The following LRRK1 variants were observed in gnomAD, a reference collection of about 807,000 sequenced individuals.
LRRK1 encodes leucine rich repeat kinase 1, also known as leucine-rich repeat serine/threonine-protein kinase 1.
In LRRK1, 113 loss-of-function variants were observed where a neutral mutation model predicts 209.1. The ratio of observed to expected loss-of-function variants is 0.54; its 90% CI spans 0.46 to 0.63. LRRK1 has a LOEUF of 0.63. Among genes scored for constraint, LRRK1 ranks in the 30% least tolerant of loss-of-function variants. The pLI is 0.00. For missense variants in LRRK1, 2,284 were observed against 2,632.2 expected, an observed-to-expected ratio of 0.87 and a Z score of 2.89; for synonymous variants, 1,144 against 1,099.7, an observed-to-expected ratio of 1.04 and a Z score of -0.80.
Position 101,012,221 on chromosome 15 carries a change from T to C in LRRK1, c.1419+76T>C, listed in dbSNP as rs1034499093. The stretch of plus-strand genomic sequence containing the variant: ...GCTCCGTGTTGCAGTGAAATGTATG[T>C]GCTTTTCCTGAGCTTCTGAGATAAA... On this transcript the variant is annotated intron_variant, in intron 10 of 33. Transcript: ENST00000388948. 45 of 1,257,404 alleles carry C rather than the reference T, an allele frequency of 3.6e-5. No individual in the cohort carries two copies. The Admixed American group carries it at 1.0e-3, about 28-fold the overall frequency. 77.9% of individuals were successfully genotyped at this position (1,257,404 alleles called of 1,614,324 possible). A position where few individuals can be genotyped will look rare whatever the true frequency, so the allele number is the denominator to read the frequency against.
intron 2 of LRRK1, among the ~76,000 whole-genome samples, chr15:100,929,909 C>T (rs1011758844): frequency 4.6e-5 from 7 of 152,342 alleles, no homozygotes; most frequent in African/African-American, 7.2e-5. Context: ...TGGCTGTGTG[C>T]GTCCATCCAT....
chr15:100,981,206 C>T (rs1366272893), intron 3 of LRRK1, among the ~76,000 whole-genome samples: 1 of 152,192 alleles, frequency 6.6e-6, no homozygotes, highest in Non-Finnish European at 1.5e-5. Flanking sequence ...TGTCTGGGTC[C>T]CTCTTGGCCT....
Position 101,069,069 on chromosome 15 carries a change from C to T in LRRK1, c.*221C>T. 6.8e-6 allele frequency: 3 copies of T among 440,354 alleles called. No homozygotes were observed. The highest frequency in any genetic ancestry group is 1.2e-5 in the Non-Finnish European group (3 of 250,330). The allele number at this position is 440,354 out of a possible 1,614,324, so 27.3% of individuals were successfully genotyped here. On this transcript the variant is annotated 3_prime_UTR_variant, in exon 34 of 34. Coordinates refer to ENST00000388948, the MANE Select transcript of LRRK1 (RefSeq NM_024652.6). ...GTTCTCTGAATACCCCATCCCCCAA[C>T]TGCTGATTTTACAGCCCCAGGGAAG...
At chr15:101,014,275 G>T (rs1178459799) in intron 10 of LRRK1, 41 bp from the exon 11 acceptor site, 1 of 1,402,122 alleles carries the variant, frequency 7.1e-7, no homozygotes, top group Non-Finnish European at 1.0e-6. Flanking sequence ...TCTTGTATCT[G>T]ATGCTATCTT....
chr15:100,940,456 C>T (rs2042379799), intron 2 of LRRK1, among the ~76,000 whole-genome samples: 1 of 152,156 alleles, frequency 6.6e-6, no homozygotes, highest in East Asian at 1.9e-4. Flanking sequence ...TATCTCTGCT[C>T]CCGGCCTCCT....
intron 1 of LRRK1, chr15:100,920,319 T>G (rs895311969): frequency 6.6e-6 from 1 of 152,240 alleles, no homozygotes; most frequent in Non-Finnish European, 1.5e-5. Context: ...TGATAGAGTT[T>G]GCCAGCCACT....
intron 2 of LRRK1, among the ~76,000 whole-genome samples, chr15:100,941,321 T>TGTGTGTCTGTGTGC (rs2042407924): frequency 6.6e-6 from 1 of 151,846 alleles, no homozygotes; most frequent in Admixed American, 6.6e-5. Context: ...TGTCTGTGTG[T>TGTGTGTCTGTGTGC]GTGTGTCTGT....
rs551539923 is a variant in LRRK1 at position 100,985,119 on chromosome 15, T to A, written c.433+1420T>A. On this transcript the variant is annotated intron_variant, in intron 4 of 33. Transcript: ENST00000388948. Reference sequence around the variant, plus strand: ...TTGATAGATCTGTGCTCAGCGTTGGTTCCAAGCTAGTGTTCCCCTCATGTG... The same window carrying A: ...TTGATAGATCTGTGCTCAGCGTTGGATCCAAGCTAGTGTTCCCCTCATGTG... Among the ~76,000 whole-genome samples, 7 of 146,334 alleles carry A rather than the reference T, an allele frequency of 4.8e-5. No individual in the cohort carries two copies. The East Asian group carries it at 1.5e-3, about 30-fold the overall frequency.
At chr15:101,012,296 G>A (rs576416535) in intron 10 of LRRK1, 151 bp downstream of exon 10, 2 of 747,616 alleles carry the variant, frequency 2.7e-6, no homozygotes, top group African/African-American at 3.5e-5. Context: ...AATATGCATG[G>A]CCACGAACAG....
chr15:100,990,865 C>T (rs1159076424), intron 6 of LRRK1, among the ~76,000 whole-genome samples: 1 of 151,966 alleles, frequency 6.6e-6, no homozygotes, highest in African/African-American at 2.4e-5. Context: ...TTCATCTTCT[C>T]CTTTCTGGTA....
In LRRK1 at chr15:100,924,710, T is replaced by C. The variant is rs11630691; in HGVS notation, c.78T>C (p.Arg26=). 437,007 of 1,612,990 alleles carry C rather than the reference T, an allele frequency of 0.27. 65,240 individuals are homozygous for C. Among genetic ancestry groups the C allele is most frequent in the African/African-American group, 0.61 (45,637 of 74,860 alleles). Residue 26 remains arginine, a synonymous_variant, in exon 2 of 34, where the codon CGT becomes CGC. Transcript: ENST00000388948. Reference sequence around the variant, plus strand: ...AGGAGTCAGCTGTGTGTCCAGAACGTGCCATGGAGACGCTTAACGGTAAGG... The same window carrying C: ...AGGAGTCAGCTGTGTGTCCAGAACGCGCCATGGAGACGCTTAACGGTAAGG... ...GPEESAVCPE[R]AMETLNGAGD...
intron 29 of LRRK1, among the ~76,000 whole-genome samples, chr15:101,060,200 G>A (rs2036077983): frequency 6.6e-6 from 1 of 152,180 alleles, no homozygotes; most frequent in Non-Finnish European, 1.5e-5. Context: ...CTTGAGATCT[G>A]TCTGAGAATT....
chr15:101,048,007 T>C (rs2035182837), intron 21 of LRRK1, among the ~76,000 whole-genome samples: 1 of 152,168 alleles, frequency 6.6e-6, no homozygotes. Context: ...TATGTGTGTT[T>C]TTAATGGCAT....
intron 2 of LRRK1, among the ~76,000 whole-genome samples, chr15:100,969,437 A>C (rs1443627846): frequency 6.6e-6 from 1 of 152,130 alleles, no homozygotes; most frequent in Non-Finnish European, 1.5e-5. Flanking sequence ...GAAGCTTCAT[A>C]GTTTTAGCCT....
At chr15:100,984,899 C>A (rs1011096129) in intron 4 of LRRK1, among the ~76,000 whole-genome samples, 1 of 152,118 alleles carries the variant, frequency 6.6e-6, no homozygotes, top group African/African-American at 2.4e-5. Context: ...GGAGCCAGGG[C>A]CCACCTCTTG....
At chr15:100,983,368 C>T (rs559692348) in intron 3 of LRRK1, among the ~76,000 whole-genome samples, 160 bp from the exon 4 acceptor site, 9 of 152,178 alleles carry the variant, frequency 5.9e-5, no homozygotes, top group African/African-American at 2.2e-4. Context: ...TTCTGAGGAG[C>T]CACATTTCAA....
At position 101,045,961 on chromosome 15, in the gene LRRK1, T is replaced by A; in HGVS notation, c.2964-20T>A. The A allele has an allele frequency of 6.2e-7, 1 of 1,611,374 alleles. No individual in the cohort carries two copies. Among genetic ancestry groups the A allele is most frequent in the Non-Finnish European group, 8.5e-7 (1 of 1,177,840 alleles). ...GAGCTTGGGCCCCACTGTTCACCAG[T>A]CCCCCTTGGTGTGTTTCAGCTACCT... is the stretch of plus-strand genomic sequence containing the variant. On this transcript the variant is annotated intron_variant, in intron 20 of 33. Transcript: ENST00000388948.
At chr15:100,926,150 A>T (rs1428089494) in intron 2 of LRRK1, among the ~76,000 whole-genome samples, 1 of 152,200 alleles carries the variant, frequency 6.6e-6, no homozygotes, top group Non-Finnish European at 1.5e-5. Context: ...CCCAGCACTA[A>T]ATCTTTCCAG....
chr15:101,048,111 A>T (rs2035190717), intron 21 of LRRK1, among the ~76,000 whole-genome samples: 1 of 149,804 alleles, frequency 6.7e-6, no homozygotes, highest in African/African-American at 2.4e-5. Flanking sequence ...AAAAAAAAAA[A>T]TCCTGGAATA....
Sources: gnomAD v4.1 joint callset for allele counts (sites outside exome capture counted in the v4.1 genomes callset) on GRCh38, gnomAD v4.1.1 for gene constraint, MANE v1.5 for transcripts, NCBI Gene and HGNC (gene_info 2026-07-23, HGNC 2026-07-21) for gene names.